The following CDH12 variants were observed in gnomAD, a reference collection of about 807,000 sequenced individuals.
CDH12 encodes the protein cadherin 12.
In CDH12, 41 loss-of-function variants were observed where a neutral mutation model predicts 74.1. That is an observed-to-expected ratio of 0.55 (90% CI 0.43 to 0.72). CDH12 has a LOEUF of 0.72. CDH12 is among the 30% of genes least tolerant of loss of function. The pLI is 0.00. For synonymous variants in CDH12, 399 were observed against 355.0 expected (o/e 1.12, Z -1.39); for missense variants, 945 against 977.2 (o/e 0.97, Z 0.44).
At chr5:22,596,650 T>C (rs1263172798) in intron 1 of CDH12, among the ~76,000 whole-genome samples, 6 of 152,206 alleles carry the variant, frequency 3.9e-5, no homozygotes, top group Non-Finnish European at 8.8e-5. Context: ...ATTGCCTCAC[T>C]GACTTTTTCT....
intron 3 of CDH12, among the ~76,000 whole-genome samples, chr5:22,341,936 A>T (rs1374950995): frequency 1.3e-5 from 2 of 152,124 alleles, no homozygotes; most frequent in Non-Finnish European, 2.9e-5. Context: ...ACTATAAAAA[A>T]AAAACATAAC....
At chr5:22,510,234 A>C (rs991149372) in intron 1 of CDH12, among the ~76,000 whole-genome samples, 7 of 152,182 alleles carry the variant, frequency 4.6e-5, no homozygotes, top group Admixed American at 1.3e-4. Context: ...CTTTCTCTCT[A>C]TATATTACTC....
intron 3 of CDH12, among the ~76,000 whole-genome samples, chr5:22,324,166 A>G (rs1393833598): frequency 6.6e-6 from 1 of 152,152 alleles, no homozygotes; most frequent in African/African-American, 2.4e-5. Context: ...TAACAAAGCA[A>G]TTTTATTTAA....
At chr5:22,529,024 T>C (rs1211383094) in intron 1 of CDH12, among the ~76,000 whole-genome samples, 1 of 151,728 alleles carries the variant, frequency 6.6e-6, no homozygotes, top group African/African-American at 2.4e-5. Flanking sequence ...TGTGTGTCTG[T>C]ATGCATATAT....
chr5:21,901,384 G>C (rs768586467), intron 6 of CDH12, among the ~76,000 whole-genome samples: 1 of 152,082 alleles, frequency 6.6e-6, no homozygotes, highest in Admixed American at 6.6e-5. Flanking sequence ...CACATAATAA[G>C]ATCCCATGTA....
At chr5:21,771,560 G>C (rs1375802669) in intron 11 of CDH12, among the ~76,000 whole-genome samples, 2 of 152,030 alleles carry the variant, frequency 1.3e-5, no homozygotes, top group Non-Finnish European at 2.9e-5. Flanking sequence ...TTAAGGACCT[G>C]GAATCAATAA....
At chr5:22,065,358 CAA>C (rs202120465) in intron 5 of CDH12, among the ~76,000 whole-genome samples, 1,552 of 152,226 alleles carry the variant, frequency 0.01, 16 homozygotes, top group African/African-American at 0.035. Flanking sequence ...AGAAGAAACA[CAA>C]AGTTAGATTG....
intron 3 of CDH12, among the ~76,000 whole-genome samples, chr5:22,307,872 A>AATT (rs1738181125): frequency 2.0e-5 from 1 of 48,868 alleles, no homozygotes; most frequent in Non-Finnish European, 4.1e-5. Context: ...GCTTTCTTTT[A>AATT]GTTTTTTTTT....
chr5:22,587,807 A>T (rs961838256), intron 1 of CDH12, among the ~76,000 whole-genome samples: 7 of 151,680 alleles, frequency 4.6e-5, no homozygotes, highest in Non-Finnish European at 1.0e-4. Flanking sequence ...CATTCAATAG[A>T]TAGATACTAA....
intron 3 of CDH12, among the ~76,000 whole-genome samples, chr5:22,305,557 C>T (rs1738068669): frequency 6.6e-6 from 1 of 152,096 alleles, no homozygotes; most frequent in South Asian, 2.1e-4. Flanking sequence ...TCCTTGGCCA[C>T]CTTAAAGTGC....
chr5:22,730,399 A>C (rs901559679), intron 1 of CDH12, among the ~76,000 whole-genome samples: 51 of 151,978 alleles, frequency 3.4e-4, no homozygotes, highest in African/African-American at 1.2e-3. Flanking sequence ...GTCCATAAAA[A>C]TACTTTCAAA....
intron 1 of CDH12, among the ~76,000 whole-genome samples, chr5:22,527,419 G>A (rs534602295): frequency 1.1e-4 from 16 of 152,212 alleles, no homozygotes; most frequent in East Asian, 3.9e-4. Context: ...CTAGGTCAAG[G>A]AAGAATTTAA....
intron 1 of CDH12, among the ~76,000 whole-genome samples, chr5:22,781,850 C>G (rs747379211): frequency 1.3e-5 from 2 of 152,134 alleles, no homozygotes; most frequent in African/African-American, 2.4e-5. Flanking sequence ...AATTGGTACT[C>G]AAGACCTTGG....
chr5:22,019,860 T>G (rs1238180021), intron 5 of CDH12, among the ~76,000 whole-genome samples: 1 of 152,066 alleles, frequency 6.6e-6, no homozygotes, highest in African/African-American at 2.4e-5. Flanking sequence ...AAACTGGGAG[T>G]GGCAACCTAA....
At chr5:22,009,592 A>G (rs1295339469) in intron 5 of CDH12, among the ~76,000 whole-genome samples, 1 of 152,204 alleles carries the variant, frequency 6.6e-6, no homozygotes, top group Non-Finnish European at 1.5e-5. Context: ...TTAAGAATTT[A>G]CTTTACATTA....
At chr5:22,838,365 G>A (rs760919888) in intron 1 of CDH12, among the ~76,000 whole-genome samples, 14 of 152,108 alleles carry the variant, frequency 9.2e-5, no homozygotes, top group African/African-American at 2.7e-4. Flanking sequence ...GCTTCAGGCA[G>A]CAAAGAGAGT....
intron 6 of CDH12, among the ~76,000 whole-genome samples, chr5:21,921,247 T>G (rs1754338358): frequency 6.6e-6 from 1 of 152,186 alleles, no homozygotes. Flanking sequence ...CCTAAATTTT[T>G]TTAAGCCTTA....
chr5:22,354,961 T>C (rs1192774829), intron 3 of CDH12, among the ~76,000 whole-genome samples: 1 of 152,160 alleles, frequency 6.6e-6, no homozygotes, highest in African/African-American at 2.4e-5. Context: ...TTTAACCGAA[T>C]TGACTAGGGC....
chr5:21,884,446 A>T, intron 6 of CDH12: 2 of 747,658 alleles, frequency 2.7e-6, no homozygotes, highest in South Asian at 3.0e-5. Flanking sequence ...TATAACCATC[A>T]GTTACTGGTT....
Sources: gnomAD v4.1 joint callset for allele counts (sites outside exome capture counted in the v4.1 genomes callset) on GRCh38, gnomAD v4.1.1 for gene constraint, MANE v1.5 for transcripts, NCBI Gene and HGNC (gene_info 2026-07-23, HGNC 2026-07-21) for gene names.